Variants in TSPAN9 observed in about 807,000 individuals in gnomAD.
TSPAN9 encodes the protein tetraspanin-9.
TSPAN9 carries 16 observed loss-of-function variants against 31.0 expected under a neutral mutation model. The observed-to-expected ratio is 0.52, with a 90% CI of 0.35 to 0.78. The LOEUF is 0.78. Among genes scored for constraint, TSPAN9 ranks in the 30% least tolerant of loss-of-function variants. The pLI, the probability that TSPAN9 is intolerant of heterozygous loss-of-function variation, is 0.01. For synonymous variants in TSPAN9, 145 were observed against 121.6 expected (o/e 1.19, Z -1.27); for missense variants, 272 against 312.5 (o/e 0.87, Z 0.98).
chr12:3,180,482 GA>G (rs11322656), intron 2 of TSPAN9, among the ~76,000 whole-genome samples: 48,618 of 143,558 alleles, frequency 0.34, 7,916 homozygotes, highest in African/African-American at 0.36. Flanking sequence ...GTATCTAAAA[GA>G]AAAAAAAAAA....
At chr12:3,151,900 G>A (rs1294795091) in intron 2 of TSPAN9, among the ~76,000 whole-genome samples, 1 of 151,910 alleles carries the variant, frequency 6.6e-6, no homozygotes, top group African/African-American at 2.4e-5. Context: ...TCCAGCCTGG[G>A]CGACAGAGTG....
intron 2 of TSPAN9, among the ~76,000 whole-genome samples, chr12:3,121,950 G>A (rs588513): frequency 0.64 from 96,781 of 152,032 alleles, 31,008 homozygotes; most frequent in East Asian, 0.74. Context: ...TAGGGACAGT[G>A]TTCCAGCTTG....
At position 3,143,206 on chromosome 12, in the gene TSPAN9, T is replaced by C. The variant is rs1248109016; in HGVS notation, c.-17-57971T>C. On this transcript the variant is annotated intron_variant, in intron 2 of 8. Coordinates refer to ENST00000011898, the MANE Select transcript of TSPAN9 (RefSeq NM_006675.5). This position sits in a 1 kb window ranked among gnomAD's most constrained non-coding sequence, Gnocchi z 4.2. The stretch of plus-strand genomic sequence containing the variant: ...TGGAGAAGGTGATGTCTGCCAGGTA[T>C]CTCCCGTATATAAAGTGGCCCCTTT... Among the ~76,000 whole-genome samples the C allele has an allele frequency of 6.6e-6, 1 of 151,650 alleles. No homozygotes were observed. The highest frequency in any genetic ancestry group is 1.5e-5 in the Non-Finnish European group (1 of 67,916).
At position 3,204,387 on chromosome 12, in the gene TSPAN9, G is replaced by A. The variant is rs1342013474; in HGVS notation, c.63+3131G>A. Among the ~76,000 whole-genome samples the A allele has an allele frequency of 3.3e-5, 5 of 152,174 alleles. 1 individual carries two copies. The highest frequency in any genetic ancestry group is 3.3e-4 in the Admixed American group (5 of 15,272). On this transcript the variant is annotated intron_variant, in intron 3 of 8. Coordinates refer to ENST00000011898, the MANE Select transcript of TSPAN9 (RefSeq NM_006675.5). The stretch of plus-strand genomic sequence containing the variant: ...CTCACCACTGGGCGGAGCTTCTAGG[G>A]TACTAGTATTGGTGAGGGCTGGGTG...
At chr12:3,247,811 C>G (rs191053371) in intron 3 of TSPAN9, among the ~76,000 whole-genome samples, 2 of 152,284 alleles carry the variant, frequency 1.3e-5, no homozygotes, top group East Asian at 3.9e-4. Context: ...TCCCCCTGGG[C>G]TATTTGTTTC....
intron 2 of TSPAN9, among the ~76,000 whole-genome samples, chr12:3,116,507 G>C (rs2153965805): frequency 6.6e-6 from 1 of 152,278 alleles, no homozygotes; most frequent in South Asian, 2.1e-4. Flanking sequence ...AACCGAGAAA[G>C]AGCCCTCCGT....
At chr12:3,185,408 CAG>C (rs757558722) in intron 2 of TSPAN9, among the ~76,000 whole-genome samples, 5 of 152,242 alleles carry the variant, frequency 3.3e-5, no homozygotes, top group Admixed American at 1.3e-4. Flanking sequence ...TGTGGAAACT[CAG>C]GGGGTCACTT....
intron 2 of TSPAN9, among the ~76,000 whole-genome samples, chr12:3,114,258 G>C (rs1379030558): frequency 6.6e-6 from 1 of 152,154 alleles, no homozygotes; most frequent in African/African-American, 2.4e-5. Context: ...TACGGACATT[G>C]AAATTTAAAT....
intron 2 of TSPAN9, among the ~76,000 whole-genome samples, chr12:3,108,645 G>A (rs1470516547): frequency 2.0e-5 from 3 of 152,198 alleles, no homozygotes; most frequent in East Asian, 1.9e-4. Flanking sequence ...TCCTTCCCCC[G>A]TTTTCTCCTT....
At chr12:3,267,893 C>A (rs571511966) in intron 3 of TSPAN9, among the ~76,000 whole-genome samples, 2 of 152,328 alleles carry the variant, frequency 1.3e-5, no homozygotes, top group African/African-American at 2.4e-5. Context: ...GTAGAGTGCC[C>A]ACCCTGCACA....
At chr12:3,275,406 G>A (rs921733825) in intron 3 of TSPAN9, among the ~76,000 whole-genome samples, 4 of 152,126 alleles carry the variant, frequency 2.6e-5, no homozygotes, top group Non-Finnish European at 5.9e-5. Flanking sequence ...GAGTACCTGC[G>A]GCAGTGGGGT....
At chr12:3,180,076 G>A (rs1464952836) in intron 2 of TSPAN9, among the ~76,000 whole-genome samples, 1 of 152,172 alleles carries the variant, frequency 6.6e-6, no homozygotes, top group South Asian at 2.1e-4. Context: ...TGGGCCATTC[G>A]TGTCACCATT....
At chr12:3,225,460 C>T (rs2098386710) in intron 3 of TSPAN9, among the ~76,000 whole-genome samples, 1 of 152,144 alleles carries the variant, frequency 6.6e-6, no homozygotes, top group Admixed American at 6.5e-5. Flanking sequence ...TTGTCACACT[C>T]ACGGTGGGGA....
intron 2 of TSPAN9, among the ~76,000 whole-genome samples, chr12:3,136,818 T>C (rs2098332372): frequency 6.6e-6 from 1 of 152,036 alleles, no homozygotes; most frequent in African/African-American, 2.4e-5. Context: ...CCCGCCATAG[T>C]GTACCCCTCA....
rs116715279 is a variant in TSPAN9, at chr12:3,225,823, G to C, written c.63+24567G>C. 4.4e-3 allele frequency among the ~76,000 whole-genome samples: 671 copies of C among 152,130 alleles called. 7 individuals carry two copies. Among genetic ancestry groups the C allele is most frequent in the African/African-American group, 0.015 (629 of 41,466 alleles). ...CTTTACCCGTGGGCCACCAGGCTGAGAGAGGTGGACTCCCTAGAGAGGTGG... is the reference window on the plus strand; with the variant it reads ...CTTTACCCGTGGGCCACCAGGCTGACAGAGGTGGACTCCCTAGAGAGGTGG... On this transcript the variant is annotated intron_variant, in intron 3 of 8. Coordinates refer to ENST00000011898, the MANE Select transcript of TSPAN9 (RefSeq NM_006675.5).
At chr12:3,213,204 G>A (rs1283865969) in intron 3 of TSPAN9, among the ~76,000 whole-genome samples, 1 of 152,148 alleles carries the variant, frequency 6.6e-6, no homozygotes, top group Admixed American at 6.5e-5. Context: ...GTGGCTGGGC[G>A]GGCAACCTGG....
At chr12:3,078,637 C>G (rs907907750) in intron 1 of TSPAN9, among the ~76,000 whole-genome samples, 1 of 152,144 alleles carries the variant, frequency 6.6e-6, no homozygotes, top group Non-Finnish European at 1.5e-5. Context: ...TTCCTACCCT[C>G]GGCTTGGTCC....
chr12:3,268,160 A>AGCCTGCCCTCTCTGTG (rs1565639161), intron 3 of TSPAN9, among the ~76,000 whole-genome samples: 7 of 130,082 alleles, frequency 5.4e-5, no homozygotes, highest in South Asian at 2.5e-4. Flanking sequence ...CCCTCCGTGC[A>AGCCTGCCCTCTCTGTG]TTCCTGCAGC....
At chr12:3,277,853 C>T (rs555612108) in intron 3 of TSPAN9, among the ~76,000 whole-genome samples, 1 of 152,270 alleles carries the variant, frequency 6.6e-6, no homozygotes. Context: ...TGACTGCCTC[C>T]TTTCTCCATC....
Sources: gnomAD v4.1 joint callset for allele counts (sites outside exome capture counted in the v4.1 genomes callset) on GRCh38, gnomAD v4.1.1 for gene constraint, Gnocchi (gnomAD v3.1) non-coding constraint, MANE v1.5 for transcripts, NCBI Gene and HGNC (gene_info 2026-07-23, HGNC 2026-07-21) for gene names.